The following DGKB variants were observed in gnomAD, a reference collection of about 807,000 sequenced individuals.
The protein encoded by DGKB is diacylglycerol kinase beta.
A neutral mutation model predicts 114.3 loss-of-function variants in DGKB; 67 were observed. That is an observed-to-expected ratio of 0.59 (90% confidence interval 0.48 to 0.72). The LOEUF (loss-of-function observed/expected upper bound fraction) is 0.72. DGKB is among the 30% of genes least tolerant of loss of function. The pLI, the probability that DGKB is intolerant of heterozygous loss-of-function variation, is 0.00. For missense variants in DGKB, 907 were observed against 975.2 expected (o/e 0.93, Z 0.93); for synonymous variants, 398 against 323.1 (o/e 1.23, Z -2.49).
Position 14,467,793 on chromosome 7 carries a change from G to C in DGKB, c.1835+10368C>G, listed in dbSNP as rs907687768. Among the ~76,000 whole-genome samples, 5 of 152,160 alleles carry C rather than the reference G, an allele frequency of 3.3e-5. No homozygotes were observed. In the East Asian group the frequency reaches 9.7e-4, roughly 29 times the overall value. The stretch of plus-strand genomic sequence containing the variant: ...CAAAAGAAATGCATGAGTAACTAAT[G>C]CTTATGTGGAGGGAGAAGCAACGCA... On this transcript the variant is annotated intron_variant, in intron 21 of 25. Transcript: ENST00000402815.
At chr7:14,247,815 A>T (rs377377882) in intron 23 of DGKB, among the ~76,000 whole-genome samples, 8 of 151,350 alleles carry the variant, frequency 5.3e-5, no homozygotes, top group Admixed American at 3.3e-4. Context: ...TATGCCTTTG[A>T]TTATTTCTTT....
chr7:14,909,450 T>C (rs1783874287), intron 1 of DGKB, among the ~76,000 whole-genome samples: 1 of 152,128 alleles, frequency 6.6e-6, no homozygotes, highest in South Asian at 2.1e-4. Context: ...GGATTTAGCT[T>C]CATAGGTCTA....
chr7:14,820,389 G>A (rs996894550), intron 2 of DGKB, among the ~76,000 whole-genome samples: 7 of 151,942 alleles, frequency 4.6e-5, no homozygotes, highest in Non-Finnish European at 8.8e-5. Flanking sequence ...TTGTTTAAAC[G>A]CTATAGTATG....
At chr7:14,959,749 A>T (rs1786731569) in intron 1 of DGKB, among the ~76,000 whole-genome samples, 1 of 151,140 alleles carries the variant, frequency 6.6e-6, no homozygotes, top group Non-Finnish European at 1.5e-5. Flanking sequence ...ATAACATTAG[A>T]TTTTACCACT....
chr7:14,285,080 G>T (rs1800660174), intron 23 of DGKB, among the ~76,000 whole-genome samples: 1 of 151,986 alleles, frequency 6.6e-6, no homozygotes, highest in South Asian at 2.1e-4. Context: ...ACCTTACTTA[G>T]TGAGTGATAT....
intron 15 of DGKB, among the ~76,000 whole-genome samples, chr7:14,619,891 T>A (rs1415859794): frequency 6.6e-6 from 1 of 151,628 alleles, no homozygotes. Flanking sequence ...GATATATGCT[T>A]CCCATCTGTG....
intron 21 of DGKB, among the ~76,000 whole-genome samples, chr7:14,465,706 C>T (rs552714027): frequency 1.7e-4 from 26 of 152,158 alleles, no homozygotes; most frequent in African/African-American, 5.5e-4. Flanking sequence ...GTGGAAGAGC[C>T]ACTATTTGAA....
chr7:14,469,693 C>A (rs567133518), intron 21 of DGKB, among the ~76,000 whole-genome samples: 1 of 152,130 alleles, frequency 6.6e-6, no homozygotes, highest in East Asian at 1.9e-4. Context: ...ATTCTCATTT[C>A]TACCTGCTCA....
rs1824107089 is a variant in DGKB at position 14,407,367 on chromosome 7, T to C, written c.1836-61976A>G. 2.0e-5 allele frequency among the ~76,000 whole-genome samples: 3 copies of C among 152,120 alleles called. No homozygotes were observed. The South Asian group carries it at 6.2e-4, about 31-fold the overall frequency. ...TTCCAATAACATTGTGTCTCGTGCT[T>C]ATCAGACTGTGGTTTGACTATTTTC... is the stretch of plus-strand genomic sequence containing the variant. On this transcript the variant is annotated intron_variant, in intron 21 of 25. Transcript: ENST00000402815.
chr7:14,671,952 T>C (rs1337489072), intron 13 of DGKB, among the ~76,000 whole-genome samples: 1 of 152,110 alleles, frequency 6.6e-6, no homozygotes, highest in Non-Finnish European at 1.5e-5. Flanking sequence ...AAAGGAAATT[T>C]AGAATTAGTT....
intron 16 of DGKB, among the ~76,000 whole-genome samples, chr7:14,610,708 G>A (rs939388187): frequency 1.3e-5 from 2 of 151,712 alleles, no homozygotes; most frequent in African/African-American, 4.8e-5. Context: ...ACCTACTAGT[G>A]GACAACTCTG....
At chr7:14,225,186 T>A (rs1790593800) in intron 23 of DGKB, among the ~76,000 whole-genome samples, 1 of 152,060 alleles carries the variant, frequency 6.6e-6, no homozygotes, top group African/African-American at 2.4e-5. Flanking sequence ...GGAAGAGATA[T>A]GGAGCTTTCT....
chr7:14,795,409 A>G (rs1248690149), intron 2 of DGKB, among the ~76,000 whole-genome samples: 4 of 152,232 alleles, frequency 2.6e-5, no homozygotes, highest in Non-Finnish European at 5.9e-5. Context: ...TAGAAGAAAT[A>G]CAAAGGCTTA....
chr7:14,397,992 T>C (rs1822508231), intron 21 of DGKB, among the ~76,000 whole-genome samples: 1 of 152,092 alleles, frequency 6.6e-6, no homozygotes, highest in Non-Finnish European at 1.5e-5. Context: ...AAAAATCTGA[T>C]TTCAGATGGC....
At chr7:14,251,459 A>G (rs935888022) in intron 23 of DGKB, among the ~76,000 whole-genome samples, 2 of 152,104 alleles carry the variant, frequency 1.3e-5, no homozygotes, top group Admixed American at 6.6e-5. Flanking sequence ...GTATCCATTC[A>G]CAAATTACTG....
intron 23 of DGKB, among the ~76,000 whole-genome samples, chr7:14,311,868 G>A (rs1396525648): frequency 6.6e-6 from 1 of 152,126 alleles, no homozygotes; most frequent in African/African-American, 2.4e-5. Context: ...AAAGAAGGCG[G>A]GGGAGGTGGT....
intron 23 of DGKB, among the ~76,000 whole-genome samples, chr7:14,247,576 G>C (rs1215237322): frequency 1.3e-5 from 2 of 152,022 alleles, no homozygotes; most frequent in Non-Finnish European, 2.9e-5. Flanking sequence ...TTGTGATTTT[G>C]ATTTGCATTT....
chr7:14,615,541 T>C (rs1388031897), intron 15 of DGKB, among the ~76,000 whole-genome samples: 2 of 151,838 alleles, frequency 1.3e-5, no homozygotes, highest in East Asian at 1.9e-4. Context: ...AAAATCTTGA[T>C]GTAATTTTTA....
Position 14,195,836 on chromosome 7 carries a change from A to G in DGKB, c.2123-17685T>C, listed in dbSNP as rs561689647. On this transcript the variant is annotated intron_variant, in intron 23 of 25. Coordinates refer to ENST00000402815, the MANE Select transcript of DGKB (RefSeq NM_001350709.2). ...AAAACAGAACTGTTTCTGGTATCCAATTTACCCTGGTTGCATGTAAGTCTT... is the reference window on the plus strand; with the variant it reads ...AAAACAGAACTGTTTCTGGTATCCAGTTTACCCTGGTTGCATGTAAGTCTT... 1.2e-4 allele frequency among the ~76,000 whole-genome samples: 19 copies of G among 152,280 alleles called. 1 individual carries two copies. Among genetic ancestry groups the G allele is most frequent in the South Asian group, 2.1e-4 (1 of 4,822 alleles).
Sources: allele counts gnomAD v4.1 joint callset (sites outside exome capture counted in the v4.1 genomes callset), GRCh38; gene constraint gnomAD v4.1.1; transcripts MANE v1.5; gene names NCBI Gene and HGNC (gene_info 2026-07-23, HGNC 2026-07-21).